Variants in ANHX observed in about 807,000 individuals in gnomAD.
ANHX encodes the protein anomalous homeobox protein.
ANHX carries 20 observed loss-of-function variants against 38.9 expected under a neutral mutation model. The ratio of observed to expected loss-of-function variants is 0.51; its 90% CI spans 0.36 to 0.75. The LOEUF (loss-of-function observed/expected upper bound fraction) is 0.75, where lower values mean the gene tolerates loss of function less well. ANHX is among the 30% of genes least tolerant of loss of function. The pLI is 0.00. For missense variants in ANHX, 475 were observed against 493.1 expected (o/e 0.96, Z 0.35); for synonymous variants, 185 against 203.1 (o/e 0.91, Z 0.76).
intron 4 of ANHX, 89 bp from the exon 5 acceptor site, chr12:133,227,241 C>A: frequency 7.3e-7 from 1 of 1,374,294 alleles, no homozygotes; most frequent in Non-Finnish European, 9.7e-7. Flanking sequence ...TCATTTACAC[C>A]AAGAAAGGGG....
At position 133,226,384 on chromosome 12, in the gene ANHX, C is replaced by A; in HGVS notation, c.773G>T (p.Trp258Leu). The change falls in exon 6 of 10, where the codon TGG becomes TTG. Residue 258 changes from tryptophan (W) to leucine (L), a missense_variant. By Grantham distance (61) the Trp-to-Leu change is moderately conservative. Coordinates refer to ENST00000545940, the MANE Select transcript of ANHX (RefSeq NM_001372060.1). Reference sequence around the variant, plus strand: ...GTCCGGGGCTAAGGCCAGTGGCTCCCATGGTCCTTGGGTGGTCTGTGGGGA... The same window carrying A: ...GTCCGGGGCTAAGGCCAGTGGCTCCAATGGTCCTTGGGTGGTCTGTGGGGA... ...PQSPQTTQGP[W>L]EPLALAPDFP... is the part of the protein sequence containing the mutation. 3 of 1,536,248 alleles carry A rather than the reference C, an allele frequency of 2.0e-6. No homozygotes were observed. Among genetic ancestry groups the A allele is most frequent in the Non-Finnish European group, 2.6e-6 (3 of 1,146,912 alleles).
rs186121878 is a variant in ANHX at position 133,230,792 on chromosome 12, T to C, written c.377+725A>G. Among the ~76,000 whole-genome samples the C allele has an allele frequency of 3.7e-4, 56 of 152,108 alleles. No homozygotes were observed. In the East Asian group the frequency reaches 9.9e-3, roughly 27 times the overall value. ...TTTTTTAAAGGCTCCAATTTCTCAG[T>C]GTCTGGGCTAGCGTCCTGGCTTTGC... On this transcript the variant is annotated intron_variant, in intron 3 of 9. Coordinates refer to ENST00000545940, the MANE Select transcript of ANHX (RefSeq NM_001372060.1).
rs574320521 is a variant in ANHX, at chr12:133,227,547, G to A, written c.501+277C>T. ...GAGCATGTCAGCTGGCAGATGCCTC[G>A]ACCCATCGTCCTGGTGCCTGGCACA... On this transcript the variant is annotated intron_variant, in intron 4 of 9. Transcript: ENST00000545940. Among the ~76,000 whole-genome samples, 23 of 152,370 alleles carry A rather than the reference G, an allele frequency of 1.5e-4. No individual in the cohort carries two copies. In the South Asian group the frequency reaches 3.9e-3, roughly 26 times the overall value.
chr12:133,223,314 C>T (rs1448754093), intron 7 of ANHX, among the ~76,000 whole-genome samples: 1 of 151,942 alleles, frequency 6.6e-6, no homozygotes, highest in African/African-American at 2.4e-5. Context: ...GGAGACTGGT[C>T]CCGGAGTTCC....
At chr12:133,224,068 C>T (rs1957150713) in intron 7 of ANHX, among the ~76,000 whole-genome samples, 1 of 151,966 alleles carries the variant, frequency 6.6e-6, no homozygotes, top group South Asian at 2.1e-4. Flanking sequence ...ACAAGGGAGT[C>T]AAATAAAGAA....
intron 5 of ANHX, among the ~76,000 whole-genome samples, chr12:133,226,650 A>T (rs1957193597): frequency 6.6e-6 from 1 of 152,088 alleles, no homozygotes; most frequent in Non-Finnish European, 1.5e-5. Flanking sequence ...TCACTTCTCA[A>T]ATTGACTCAC....
chr12:133,227,014 C>G lies in ANHX; in HGVS notation c.640G>C (p.Glu214Gln), dbSNP rs573590084. 7 of 1,535,836 alleles carry G rather than the reference C, an allele frequency of 4.6e-6. No homozygotes were observed. In the African/African-American group the frequency reaches 6.8e-5, roughly 15 times the overall value. The part of the protein sequence containing the change: ...QATAEDPGAR[E>Q]RGPDLLQPSG... ...GGCTGCAGGAGGTCAGGACCCCTCT[C>G]CCTCGCACCAGGGTCTTCAGCTGTG... The change falls in exon 5 of 10, where the codon GAG (glutamate) becomes CAG (glutamine). Residue 214 changes from glutamate to glutamine, a missense_variant. Coordinates refer to ENST00000545940, the MANE Select transcript of ANHX (RefSeq NM_001372060.1).
rs956209827 is a variant in ANHX, at chr12:133,221,378, C to A, written c.1133-26G>T. ...CTGCATGTAATGAGATTCCACGGCA[C>A]ACTGGCAGGAGAAAGGAGCAGAGCC... On this transcript the variant is annotated intron_variant, in intron 7 of 9. Coordinates refer to ENST00000545940, the MANE Select transcript of ANHX (RefSeq NM_001372060.1). This position sits in a 1 kb window ranked among gnomAD's most constrained non-coding sequence, Gnocchi z 4.1. 71 of 1,525,250 alleles carry A rather than the reference C, an allele frequency of 4.7e-5. No homozygotes were observed. The highest frequency in any genetic ancestry group is 6.9e-5 in the African/African-American group (5 of 72,798). The allele number at this position is 1,525,250 out of a possible 1,614,324, so 94.5% of individuals were successfully genotyped here.
Position 133,234,331 on chromosome 12 carries a change from T to G in ANHX, c.26A>C (p.Lys9Thr). 6.5e-7 allele frequency: 1 copy of G among 1,535,908 alleles called. No individual in the cohort carries two copies. Among genetic ancestry groups the G allele is most frequent in the Non-Finnish European group, 8.7e-7 (1 of 1,146,772 alleles). ...GGGTGCACAGGTGTCCTCATGCTCC[T>G]TCAGCAGAGTCAGGAAGCTCTGCAT... is the stretch of plus-strand genomic sequence containing the variant. MQSFLTLL[K>T]EHEDTCAPPA... is the part of the protein sequence containing the mutation. The change falls in exon 2 of 10, where the codon AAG (lysine) becomes ACG (threonine). Residue 9 changes from lysine to threonine, a missense_variant. Physicochemically the swap from Lys to Thr is moderately conservative, Grantham distance 78 (BLOSUM62 -1). Transcript: ENST00000545940.
At chr12:133,231,092 T>C (rs559868446) in intron 3 of ANHX, among the ~76,000 whole-genome samples, 2 of 152,142 alleles carry the variant, frequency 1.3e-5, no homozygotes, top group South Asian at 2.1e-4. Context: ...AGAGCCCAGA[T>C]TGTGGGGATT....
intron 7 of ANHX, among the ~76,000 whole-genome samples, chr12:133,223,441 T>C (rs1372912434): frequency 6.8e-6 from 1 of 147,020 alleles, no homozygotes; most frequent in Non-Finnish European, 1.5e-5. Flanking sequence ...CAGGAGACTT[T>C]ATTCTTTTTT....
rs149371834 is a variant in ANHX at position 133,232,762 on chromosome 12, C to T, written c.250-1118G>A. Among the ~76,000 whole-genome samples the T allele has an allele frequency of 6.7e-3, 1,013 of 152,312 alleles. 4 individuals are homozygous for T. The highest frequency in any genetic ancestry group is 0.022 in the African/African-American group (899 of 41,562). On this transcript the variant is annotated intron_variant, in intron 2 of 9. Coordinates refer to ENST00000545940, the MANE Select transcript of ANHX (RefSeq NM_001372060.1). Reference sequence around the variant, plus strand: ...CAGTCATTACAACTCTAACTCTGCACTCTCTCGTTTGTTTACTTCATTTAT... The same window carrying T: ...CAGTCATTACAACTCTAACTCTGCATTCTCTCGTTTGTTTACTTCATTTAT...
intron 5 of ANHX, 60 bp downstream of exon 5, chr12:133,226,876 G>A: frequency 7.0e-7 from 1 of 1,427,356 alleles, no homozygotes; most frequent in Non-Finnish European, 9.2e-7. Flanking sequence ...ACCTAGGCCT[G>A]GCCCTTGTCA....
In ANHX at chr12:133,218,944, C is replaced by T. The variant is rs1463485693; in HGVS notation, c.1393G>A (p.Gly465Ser). 2.6e-6 allele frequency: 4 copies of T among 1,534,490 alleles called. No homozygotes were observed. Among genetic ancestry groups the T allele is most frequent in the Non-Finnish European group, 3.5e-6 (4 of 1,145,734 alleles). ...QVQCSDSQAS[G>S]DAFWGARMLL... ...ATCCTGGCTCCCCAGAAGGCATCAC[C>T]AGAGGCCTGGCTATCAGAACACTGC... Residue 465 changes from glycine to serine, a missense_variant, in exon 10 of 10, where the codon GGT (glycine) becomes AGT (serine). Transcript: ENST00000545940.
rs1244928955 is a variant in ANHX, at chr12:133,221,073, TAC to T, written c.1280+130_1280+131del. The T allele has an allele frequency of 8.2e-7, 1 of 1,220,356 alleles. No homozygotes were observed. The highest frequency in any genetic ancestry group is 1.1e-6 in the Non-Finnish European group (1 of 909,782). 75.6% of individuals were successfully genotyped at this position (1,220,356 alleles called of 1,614,324 possible). A position where few individuals can be genotyped will look rare whatever the true frequency, so the allele number is the denominator to read the frequency against. On this transcript the variant is annotated intron_variant, in intron 8 of 9. Transcript: ENST00000545940. The surrounding 1 kb of genome is among the most constrained non-coding windows in gnomAD (Gnocchi z 4.1). ...ATAGGTGTAGGCTTGTGGGGACTGT[TAC>T]AGTTTTCAGCAATCCAAAGGAGAGG...
At chr12:133,219,518 T>C (rs1787756588) in intron 8 of ANHX, among the ~76,000 whole-genome samples, 151 bp from the exon 9 acceptor site, 1 of 152,064 alleles carries the variant, frequency 6.6e-6, no homozygotes, top group African/African-American at 2.4e-5. Flanking sequence ...CTGTCACGTA[T>C]GTAGGGTGTT....
chr12:133,220,438 T>G (rs144810587), intron 8 of ANHX, among the ~76,000 whole-genome samples: 1 of 152,276 alleles, frequency 6.6e-6, no homozygotes, highest in Non-Finnish European at 1.5e-5. Context: ...ATCTGTGTGG[T>G]GTACATTTTC....
At chr12:133,220,016 C>T (rs1957087612) in intron 8 of ANHX, among the ~76,000 whole-genome samples, 1 of 152,170 alleles carries the variant, frequency 6.6e-6, no homozygotes, top group Non-Finnish European at 1.5e-5. Flanking sequence ...CGAAAATATA[C>T]CGTATTTACA....
chr12:133,228,624 T>C (rs1317047191), intron 3 of ANHX, among the ~76,000 whole-genome samples: 1 of 152,140 alleles, frequency 6.6e-6, no homozygotes, highest in East Asian at 1.9e-4. Context: ...GCACCACCTG[T>C]GCCCCCAGCA....
Sources: gnomAD v4.1 joint callset for allele counts (sites outside exome capture counted in the v4.1 genomes callset) on GRCh38, gnomAD v4.1.1 for gene constraint, Gnocchi (gnomAD v3.1) non-coding constraint, MANE v1.5 for transcripts, NCBI Gene and HGNC (gene_info 2026-07-23, HGNC 2026-07-21) for gene names.